The following BCAR1 variants were observed in gnomAD, a reference collection of about 807,000 sequenced individuals.
BCAR1 encodes the protein breast cancer anti-estrogen resistance protein 1.
Under a neutral mutation model 67.6 loss-of-function variants are expected in BCAR1, and 30 were observed. The ratio of observed to expected loss-of-function variants is 0.44; its 90% confidence interval spans 0.33 to 0.60. The LOEUF is 0.60. BCAR1 is among the 20% of genes least tolerant of loss of function. BCAR1 has a pLI of 0.02. For missense variants in BCAR1, 1,313 were observed against 1,222.3 expected (o/e 1.07, Z -1.11); for synonymous variants, 626 against 556.7 (o/e 1.12, Z -1.75).
chr16:75,229,841 G>T lies in BCAR1; in HGVS notation c.2283C>A (p.Ala761=). Residue 761 remains alanine (A), a synonymous_variant, in exon 7 of 7, where the codon GCC becomes GCA. Coordinates refer to ENST00000162330, the MANE Select transcript of BCAR1 (RefSeq NM_014567.5). ...CCACGGCGGTAAAGAAGGCGTCCACGGCGTTGGTCAGTGTGGTCAGGTTGG... is the reference window on the plus strand; with the variant it reads ...CCACGGCGGTAAAGAAGGCGTCCACTGCGTTGGTCAGTGTGGTCAGGTTGG... ...CEANLTTLTN[A]VDAFFTAVAT... is the part of the protein sequence containing the mutation. The T allele has an allele frequency of 1.2e-6, 2 of 1,613,430 alleles. No homozygotes were observed. The highest frequency in any genetic ancestry group is 1.7e-6 in the Non-Finnish European group (2 of 1,179,994).
Position 75,229,858 on chromosome 16 carries a change from T to A in BCAR1, c.2266A>T (p.Thr756Ser), listed in dbSNP as rs764998487. Residue 756 changes from threonine (T) to serine (S), a missense_variant, in exon 7 of 7, where the codon ACC becomes TCC. Thr to Ser is a moderately conservative substitution (Grantham distance 58). Around this residue, in one of 2 missense-constraint regions of BCAR1, gnomAD observed 1,272 missense variants for 1,137.5 expected, o/e 1.12. Coordinates refer to ENST00000162330, the MANE Select transcript of BCAR1 (RefSeq NM_014567.5). ...GCGTCCACGGCGTTGGTCAGTGTGGTCAGGTTGGCCTCACACTGCTCCAGG... is the reference window on the plus strand; with the variant it reads ...GCGTCCACGGCGTTGGTCAGTGTGGACAGGTTGGCCTCACACTGCTCCAGG... ...FYLEQCEANL[T>S]TLTNAVDAFF... The A allele has an allele frequency of 6.2e-7, 1 of 1,613,276 alleles. No homozygotes were observed. The highest frequency in any genetic ancestry group is 8.5e-7 in the Non-Finnish European group (1 of 1,179,978).
intron 6 of BCAR1, among the ~76,000 whole-genome samples, chr16:75,230,522 A>G (rs934434884): frequency 3.3e-5 from 5 of 152,236 alleles, no homozygotes; most frequent in Non-Finnish European, 7.3e-5. Context: ...TATCAAACAG[A>G]AAAAACGAAG....
intron 1 of BCAR1, among the ~76,000 whole-genome samples, chr16:75,260,227 A>C (rs989186312): frequency 6.6e-6 from 1 of 151,908 alleles, no homozygotes; most frequent in Non-Finnish European, 1.5e-5. Context: ...CCCAAAGTGC[A>C]TCTACTGTAG....
rs140180674 is a variant in BCAR1, at chr16:75,240,727, G to C, written c.633+1743C>G. ...AGACTGGGGGAGGTTTCCTGGGGGA[G>C]AGCAGCCAGGCCCAGGACACAGGGC... On this transcript the variant is annotated intron_variant, in intron 2 of 6. Transcript: ENST00000162330. Among the ~76,000 whole-genome samples the C allele has an allele frequency of 2.4e-3, 372 of 152,326 alleles. 2 individuals carry two copies. Among genetic ancestry groups the C allele is most frequent in the African/African-American group, 8.6e-3 (359 of 41,574 alleles).
At chr16:75,264,297 C>G in intron 1 of BCAR1, 2 of 1,416,756 alleles carry the variant, frequency 1.4e-6, no homozygotes, top group Non-Finnish European at 1.8e-6. Context: ...GAGGCCCGCC[C>G]AGGCTGGGAT....
chr16:75,235,050 C>T lies in BCAR1; in HGVS notation c.1849G>A (p.Gly617Arg). 1.9e-6 allele frequency: 3 copies of T among 1,613,262 alleles called. No homozygotes were observed. The highest frequency in any genetic ancestry group is 2.2e-5 in the East Asian group (1 of 44,886). Residue 617 changes from glycine to arginine, a missense_variant, in exon 5 of 7, where the codon GGG becomes AGG. Transcript: ENST00000162330. The stretch of plus-strand genomic sequence containing the variant: ...GGGTTGGGGTGCAGGGTGCCACCCC[C>T]CTCAGGCCCCGGGGCAGTGGCCTTG... ...RTKATAPGPE[G>R]GGTLHPNPTD...
upstream of BCAR1, chr16:75,252,183 G>A: frequency 6.5e-7 from 1 of 1,534,636 alleles, no homozygotes; most frequent in Non-Finnish European, 8.7e-7. Context: ...GAAGCCTCAA[G>A]CAGGGAGGCT....
intron 1 of BCAR1, among the ~76,000 whole-genome samples, chr16:75,262,368 A>G (rs2077922988): frequency 6.6e-6 from 1 of 152,138 alleles, no homozygotes; most frequent in African/African-American, 2.4e-5. Context: ...ACACAACCAC[A>G]TCACCCCACC....
At position 75,256,767 on chromosome 16, in the gene BCAR1, G is replaced by A. The variant is rs149785618; in HGVS notation, c.66+11148C>T. On this transcript the variant is annotated intron_variant, in intron 1 of 6. Transcript: ENST00000393422. ...CCAGGGTGCCGTTCAGAGGCTCTCC[G>A]CCCACCCCAGCAACCCCTTCCTCTT... Among the ~76,000 whole-genome samples, 148 of 152,122 alleles carry A rather than the reference G, an allele frequency of 9.7e-4. 1 individual carries two copies. In the South Asian group the frequency reaches 0.01, roughly 11 times the overall value.
chr16:75,264,665 T>C (rs1221071879), intron 1 of BCAR1: 14 of 1,251,356 alleles, frequency 1.1e-5, no homozygotes, highest in Non-Finnish European at 1.3e-5. Flanking sequence ...ACAATAACAA[T>C]GCTTTGCACT....
intron 2 of BCAR1, among the ~76,000 whole-genome samples, chr16:75,241,450 C>A (rs376838254): frequency 6.6e-6 from 1 of 152,076 alleles, no homozygotes; most frequent in Non-Finnish European, 1.5e-5. Flanking sequence ...TGCTCCCTGC[C>A]GCCTCCCCAG....
chr16:75,263,158 T>C, intron 1 of BCAR1: 2 of 964,202 alleles, frequency 2.1e-6, no homozygotes, highest in South Asian at 9.6e-5. Context: ...CAGGAGGAGC[T>C]GGAGTGGCCA....
chr16:75,231,945 G>T (rs1026842413), intron 6 of BCAR1, among the ~76,000 whole-genome samples: 1 of 151,748 alleles, frequency 6.6e-6, no homozygotes, highest in East Asian at 1.9e-4. Flanking sequence ...GCAGTGGTGC[G>T]ATCTCGGCTC....
At chr16:75,248,390 T>C (rs904389157) in intron 1 of BCAR1, 3 of 1,212,768 alleles carry the variant, frequency 2.5e-6, no homozygotes, top group Non-Finnish European at 3.1e-6. Context: ...GCATTCTATT[T>C]GCTTGTCCCA....
At chr16:75,242,006 T>G (rs193212056) in intron 2 of BCAR1, among the ~76,000 whole-genome samples, 1 of 152,144 alleles carries the variant, frequency 6.6e-6, no homozygotes, top group Non-Finnish European at 1.5e-5. Context: ...CCCTAGCATG[T>G]TCCATAAGTG....
chr16:75,238,747 C>A, intron 2 of BCAR1: 11 of 985,550 alleles, frequency 1.1e-5, no homozygotes, highest in Non-Finnish European at 1.3e-5. Flanking sequence ...TCTCCCTCCA[C>A]GCGCCCCAGA....
chr16:75,236,516 G>A (rs1481294127), intron 4 of BCAR1: 3 of 371,254 alleles, frequency 8.1e-6, no homozygotes, highest in East Asian at 4.7e-5. Flanking sequence ...TATTATCAGG[G>A]GACCAAATTC....
intron 1 of BCAR1, chr16:75,249,102 T>G (rs1040138559): frequency 6.6e-6 from 1 of 152,390 alleles, no homozygotes; most frequent in African/African-American, 2.4e-5. Flanking sequence ...CCACAGACAG[T>G]GCGGACGGCT....
At chr16:75,258,002 C>T (rs1273941889) in intron 1 of BCAR1, among the ~76,000 whole-genome samples, 3 of 152,318 alleles carry the variant, frequency 2.0e-5, no homozygotes, top group African/African-American at 7.2e-5. Context: ...TACCCATGAC[C>T]AGCAGCCCTG....
Sources: allele counts gnomAD v4.1 joint callset (sites outside exome capture counted in the v4.1 genomes callset), GRCh38; gene constraint gnomAD v4.1.1; regional missense constraint gnomAD v4.1.1; transcripts MANE v1.5; gene names NCBI Gene and HGNC (gene_info 2026-07-23, HGNC 2026-07-21).